TEX12: variants seen among roughly 807,000 people sequenced by gnomAD.
TEX12 encodes testis expressed 12, also known as testis-expressed protein 12.
TEX12 carries 7 observed loss-of-function variants against 14.6 expected under a neutral mutation model. That is an observed-to-expected ratio of 0.48 (90% CI 0.27 to 0.90). The LOEUF is 0.90. Among genes scored for constraint, TEX12 ranks in the 40% least tolerant of loss-of-function variants. The pLI, the probability that TEX12 is intolerant of heterozygous loss-of-function variation, is 0.12. For synonymous variants in TEX12, 57 were observed against 49.1 expected (o/e 1.16, Z -0.67); for missense variants, 121 against 135.7 (o/e 0.89, Z 0.54).
At chr11:112,171,579 G>A (rs905805107) in intron 4 of TEX12, among the ~76,000 whole-genome samples, 193 bp from the exon 5 acceptor site, 2 of 151,902 alleles carry the variant, frequency 1.3e-5, no homozygotes, top group Non-Finnish European at 2.9e-5. Flanking sequence ...GTTGTGTCAG[G>A]AGACCTTTTT....
In TEX12 at chr11:112,170,394, T is replaced by C. The variant is rs1866775600; in HGVS notation, c.64-25T>C. Reference sequence around the variant, plus strand: ...TCCTGAAGATCTTATTGACTGTACCTGTTTTCTTTATTTTGTCCTGTTAGT... The same window carrying C: ...TCCTGAAGATCTTATTGACTGTACCCGTTTTCTTTATTTTGTCCTGTTAGT... On this transcript the variant is annotated intron_variant, in intron 2 of 4. Transcript: ENST00000280358. 6 of 1,416,702 alleles carry C rather than the reference T, an allele frequency of 4.2e-6. No individual in the cohort carries two copies. The South Asian group carries it at 6.1e-5, about 15-fold the overall frequency. The allele number at this position is 1,416,702 out of a possible 1,614,324, so 87.8% of individuals were successfully genotyped here. A position where few individuals can be genotyped will look rare whatever the true frequency, so the allele number is the denominator to read the frequency against.
At chr11:112,168,936 A>C (rs1355154010) in intron 1 of TEX12, among the ~76,000 whole-genome samples, 3 of 152,220 alleles carry the variant, frequency 2.0e-5, no homozygotes, top group Admixed American at 1.3e-4. Context: ...CATAGAGAGG[A>C]GTAGTTGAAA....
intron 2 of TEX12, 53 bp downstream of exon 2, chr11:112,169,384 T>C: frequency 7.3e-7 from 1 of 1,361,108 alleles, no homozygotes; most frequent in Non-Finnish European, 1.0e-6. Flanking sequence ...TACATACTAC[T>C]CAAATTTCTT....
chr11:112,169,441 T>C, intron 2 of TEX12, 110 bp downstream of exon 2: 1 of 807,228 alleles, frequency 1.2e-6, no homozygotes, highest in Non-Finnish European at 2.1e-6. Flanking sequence ...TGTATTCGTA[T>C]GCCCAGAGCT....
chr11:112,171,582 A>G (rs1331119003), intron 4 of TEX12, among the ~76,000 whole-genome samples, 190 bp from the exon 5 acceptor site: 1 of 151,986 alleles, frequency 6.6e-6, no homozygotes, highest in Non-Finnish European at 1.5e-5. Context: ...GTGTCAGGAG[A>G]CCTTTTTGAG....
At chr11:112,169,109 G>A in intron 1 of TEX12, 144 bp from the exon 2 acceptor site, 1 of 662,370 alleles carries the variant, frequency 1.5e-6, no homozygotes, top group Non-Finnish European at 2.7e-6. Context: ...TGATTTAGAG[G>A]AGGGAGAAAT....
chr11:112,171,286 G>A (rs1487139416), intron 4 of TEX12, among the ~76,000 whole-genome samples: 3 of 151,914 alleles, frequency 2.0e-5, no homozygotes, highest in Non-Finnish European at 4.4e-5. Flanking sequence ...AAATACTATG[G>A]CATTTTATAT....
At position 112,172,350 on chromosome 11, in the gene TEX12, A is replaced by T. The variant is rs190087254; in HGVS notation, c.*434A>T. 5 of 151,798 alleles carry T rather than the reference A, an allele frequency of 3.3e-5. No individual in the cohort carries two copies. Among genetic ancestry groups the T allele is most frequent in the Non-Finnish European group, 5.9e-5 (4 of 67,798 alleles). The allele number at this position is 151,798 out of a possible 1,614,324, so 9.4% of individuals were successfully genotyped here. A position where few individuals can be genotyped will look rare whatever the true frequency, so the allele number is the denominator to read the frequency against. On this transcript the variant is annotated 3_prime_UTR_variant, in exon 5 of 5. Transcript: ENST00000280358. ...AGATAGTTTTGGAGATAATTTTGAA[A>T]TTTTTTTTATGGTCAGGATTATAAA...
intron 1 of TEX12, among the ~76,000 whole-genome samples, chr11:112,168,759 C>T (rs950940855): frequency 1.3e-5 from 2 of 152,046 alleles, no homozygotes; most frequent in Non-Finnish European, 2.9e-5. Flanking sequence ...ACCATGCTGG[C>T]CAGGCTGGTC....
At chr11:112,171,065 A>G (rs1027619436) in intron 4 of TEX12, among the ~76,000 whole-genome samples, 1 of 152,136 alleles carries the variant, frequency 6.6e-6, no homozygotes, top group Non-Finnish European at 1.5e-5. Flanking sequence ...TGAATTCTGA[A>G]TCTGTGGATT....
intron 1 of TEX12, 96 bp downstream of exon 1, chr11:112,167,583 G>A (rs889397911): frequency 6.5e-6 from 1 of 152,758 alleles, no homozygotes; most frequent in Non-Finnish European, 1.5e-5. Flanking sequence ...AGGGAAAATG[G>A]AGGTGAAATG....
In TEX12 at chr11:112,168,484, A is replaced by G. The variant is rs1866752405; in HGVS notation, c.-16-769A>G. Among the ~76,000 whole-genome samples, 2 of 152,212 alleles carry G rather than the reference A, an allele frequency of 1.3e-5. 1 individual carries two copies. The highest frequency in any genetic ancestry group is 1.3e-4 in the Admixed American group (2 of 15,278). ...TCACTGTCCCTGTTTTCTCACTTGTAAAAAATGAGATTGAATTAGATGAAC... is the reference window on the plus strand; with the variant it reads ...TCACTGTCCCTGTTTTCTCACTTGTGAAAAATGAGATTGAATTAGATGAAC... On this transcript the variant is annotated intron_variant, in intron 1 of 4. Coordinates refer to ENST00000280358, the MANE Select transcript of TEX12 (RefSeq NM_031275.4).
At chr11:112,169,103 T>G (rs545600980) in intron 1 of TEX12, 150 bp from the exon 2 acceptor site, 59 of 657,116 alleles carry the variant, frequency 9.0e-5, no homozygotes, top group East Asian at 6.3e-4. Context: ...ATAGAATGAT[T>G]TAGAGGAGGG....
intron 1 of TEX12, among the ~76,000 whole-genome samples, chr11:112,168,040 T>G (rs990343430): frequency 4.6e-5 from 7 of 152,240 alleles, no homozygotes; most frequent in African/African-American, 1.7e-4. Flanking sequence ...TTACAGCACG[T>G]AAACTTACAT....
chr11:112,171,940 G>T lies in TEX12; in HGVS notation c.*24G>T, dbSNP rs1566756872. Reference sequence around the variant, plus strand: ...AAAATATATACTTGAAATAAGCTGAGAATTTAAACCTATTATTGTTATAAT... The same window carrying T: ...AAAATATATACTTGAAATAAGCTGATAATTTAAACCTATTATTGTTATAAT... On this transcript the variant is annotated 3_prime_UTR_variant, in exon 5 of 5. Transcript: ENST00000280358. 11 of 1,415,138 alleles carry T rather than the reference G, an allele frequency of 7.8e-6. No homozygotes were observed. The highest frequency in any genetic ancestry group is 1.9e-4 in the Middle Eastern group (1 of 5,262). 87.7% of individuals were successfully genotyped at this position (1,415,138 alleles called of 1,614,324 possible). A position where few individuals can be genotyped will look rare whatever the true frequency, so the allele number is the denominator to read the frequency against.
At position 112,170,510 on chromosome 11, in the gene TEX12, C is replaced by T. The variant is rs1566755927; in HGVS notation, c.155C>T (p.Ala52Val). The T allele has an allele frequency of 6.2e-7, 1 of 1,611,556 alleles. No individual in the cohort carries two copies. The highest frequency in any genetic ancestry group is 2.2e-5 in the East Asian group (1 of 44,784). Residue 52 changes from alanine to valine, a missense_variant, in exon 3 of 5, where the codon GCC becomes GTC. Transcript: ENST00000280358. ...TCCGGACTATTTTATAAAGATGAAGCCTTGGAGAAAGATTTAAATGGTGAT... is the reference window on the plus strand; with the variant it reads ...TCCGGACTATTTTATAAAGATGAAGTCTTGGAGAAAGATTTAAATGGTGAT... ...EISGLFYKDEALEKDLNDVSK... is the reference protein window; with the variant it reads ...EISGLFYKDEVLEKDLNDVSK...
Position 112,172,119 on chromosome 11 carries a change from C to A in TEX12, c.*203C>A. The A allele has an allele frequency of 3.4e-6, 1 of 295,698 alleles. No homozygotes were observed. Among genetic ancestry groups the A allele is most frequent in the Non-Finnish European group, 6.2e-6 (1 of 162,178 alleles). 18.3% of individuals were successfully genotyped at this position (295,698 alleles called of 1,614,324 possible). ...TTAATGTTCATGTTAATGTCCTAAG[C>A]TGGCCATTAACATGAACTACGTCAC... On this transcript the variant is annotated 3_prime_UTR_variant, in exon 5 of 5. Coordinates refer to ENST00000280358, the MANE Select transcript of TEX12 (RefSeq NM_031275.4).
At chr11:112,168,941 T>C (rs1417560209) in intron 1 of TEX12, among the ~76,000 whole-genome samples, 1 of 152,156 alleles carries the variant, frequency 6.6e-6, no homozygotes, top group African/African-American at 2.4e-5. Context: ...AGAGGAGTAG[T>C]TGAAAATGAT....
chr11:112,170,377 A>G (rs1866775424), intron 2 of TEX12, 42 bp from the exon 3 acceptor site: 1 of 1,319,764 alleles, frequency 7.6e-7, no homozygotes, highest in South Asian at 1.3e-5. Context: ...TGTCCTGAAG[A>G]TCTTATTGAC....
Sources: gnomAD v4.1 joint callset for allele counts (sites outside exome capture counted in the v4.1 genomes callset) on GRCh38, gnomAD v4.1.1 for gene constraint, MANE v1.5 for transcripts, NCBI Gene and HGNC (gene_info 2026-07-23, HGNC 2026-07-21) for gene names.